LDB2: variants seen among roughly 807,000 people sequenced by gnomAD.
The protein encoded by LDB2 is LIM domain-binding protein 2.
Under a neutral mutation model 44.3 loss-of-function variants are expected in LDB2, and 12 were observed. The observed-to-expected ratio is 0.27, with a 90% CI of 0.17 to 0.44. LDB2 has a LOEUF of 0.44. LDB2 is among the 20% of genes least tolerant of loss of function. LDB2 has a pLI of 1.00. For missense variants in LDB2, 344 were observed against 473.5 expected, an observed-to-expected ratio of 0.73 and a Z score of 2.54; for synonymous variants, 164 against 174.8, an observed-to-expected ratio of 0.94 and a Z score of 0.49.
In LDB2 at chr4:16,609,722, G is replaced by A. The variant is rs552745054; in HGVS notation, c.236-13847C>T. 5.3e-5 allele frequency among the ~76,000 whole-genome samples: 8 copies of A among 152,330 alleles called. No individual in the cohort carries two copies. The East Asian group carries it at 7.8e-4, about 15-fold the overall frequency. On this transcript the variant is annotated intron_variant, in intron 2 of 7. Coordinates refer to ENST00000304523, the MANE Select transcript of LDB2 (RefSeq NM_001290.5). ...TCTCCCTGGGCCTGAGCCCCTAGGC[G>A]GAGGGGGAGAGGTGGCTGCAGTCTC...
intron 2 of LDB2, among the ~76,000 whole-genome samples, chr4:16,667,778 G>A (rs568524561): frequency 4.1e-4 from 62 of 152,308 alleles, no homozygotes; most frequent in African/African-American, 1.4e-3. Flanking sequence ...GAATAGGGTT[G>A]AGGGGCCAGA....
chr4:16,880,903 CAA>C (rs1004776367), intron 1 of LDB2, among the ~76,000 whole-genome samples: 17 of 57,468 alleles, frequency 3.0e-4, no homozygotes, highest in Admixed American at 8.2e-4. Flanking sequence ...GACTCCATCT[CAA>C]AAAAAAAAAA....
chr4:16,680,199 A>G (rs575696975), intron 2 of LDB2, among the ~76,000 whole-genome samples: 1 of 152,326 alleles, frequency 6.6e-6, no homozygotes, highest in Non-Finnish European at 1.5e-5. Flanking sequence ...GCCAGGAACC[A>G]AATGAGACAG....
At chr4:16,833,151 A>G (rs1201345943) in intron 1 of LDB2, among the ~76,000 whole-genome samples, 1 of 152,230 alleles carries the variant, frequency 6.6e-6, no homozygotes, top group Non-Finnish European at 1.5e-5. Context: ...TGCTTACTCA[A>G]TTATAACTAG....
At chr4:16,862,274 A>G (rs1295801614) in intron 1 of LDB2, among the ~76,000 whole-genome samples, 1 of 151,112 alleles carries the variant, frequency 6.6e-6, no homozygotes, top group African/African-American at 2.4e-5. Context: ...TCTCCTAAAT[A>G]TTTGGAAGGA....
At chr4:16,762,195 CA>C (rs553883305) in intron 1 of LDB2, among the ~76,000 whole-genome samples, 49 of 146,272 alleles carry the variant, frequency 3.3e-4, no homozygotes, top group African/African-American at 8.8e-4. Flanking sequence ...GACCTGGTCT[CA>C]AAAAAAAAAT....
chr4:16,502,913 G>A, intron 7 of LDB2, 40 bp from the exon 8 acceptor site: 1 of 1,609,610 alleles, frequency 6.2e-7, no homozygotes, highest in Non-Finnish European at 8.5e-7. Context: ...GAAACCTTGG[G>A]AGAGAGAAGC....
At chr4:16,566,635 A>G (rs1345225613) in intron 5 of LDB2, among the ~76,000 whole-genome samples, 2 of 152,184 alleles carry the variant, frequency 1.3e-5, no homozygotes, top group Non-Finnish European at 2.9e-5. Context: ...ATTACAAAAC[A>G]TAAACCAGAT....
At chr4:16,655,301 G>A (rs997234635) in intron 2 of LDB2, among the ~76,000 whole-genome samples, 1 of 152,102 alleles carries the variant, frequency 6.6e-6, no homozygotes, top group South Asian at 2.1e-4. Flanking sequence ...AGACATGAAG[G>A]GGTCTGTTTA....
At chr4:16,726,184 A>G (rs1048059496) in intron 2 of LDB2, among the ~76,000 whole-genome samples, 1 of 152,132 alleles carries the variant, frequency 6.6e-6, no homozygotes, top group East Asian at 1.9e-4. Context: ...CCACCTAAAA[A>G]CATGTCACAT....
At chr4:16,856,008 C>A (rs1482105443) in intron 1 of LDB2, among the ~76,000 whole-genome samples, 1 of 152,254 alleles carries the variant, frequency 6.6e-6, no homozygotes, top group Admixed American at 6.5e-5. Context: ...GATGTAGCAA[C>A]AAAGAATATT....
intron 2 of LDB2, chr4:16,653,808 G>A (rs1357902462): frequency 1.3e-5 from 2 of 152,182 alleles, no homozygotes; most frequent in African/African-American, 4.8e-5. Flanking sequence ...CCACGATTTA[G>A]GAAACAAATC....
intron 1 of LDB2, among the ~76,000 whole-genome samples, chr4:16,791,961 T>C (rs1203746778): frequency 1.3e-5 from 2 of 152,242 alleles, no homozygotes; most frequent in Non-Finnish European, 2.9e-5. Context: ...TATTATGTGA[T>C]ACTTCCTGAT....
intron 1 of LDB2, among the ~76,000 whole-genome samples, chr4:16,845,555 T>C (rs890295280): frequency 5.9e-5 from 9 of 152,202 alleles, no homozygotes; most frequent in African/African-American, 1.9e-4. Flanking sequence ...TACTACAAAA[T>C]ACATGATTCC....
rs369262523 is a variant in LDB2, at chr4:16,554,120, G to A, written c.615+31802C>T. On this transcript the variant is annotated intron_variant, in intron 5 of 7. Transcript: ENST00000304523. ...GGCTGGAGTGCAATGGTGCAATCTC[G>A]GCTCACCACAACTTCCACCTCCCAG... is the stretch of plus-strand genomic sequence containing the variant. Among the ~76,000 whole-genome samples, 90 of 149,292 alleles carry A rather than the reference G, an allele frequency of 6.0e-4. 1 individual carries two copies. In the South Asian group the frequency reaches 0.019, roughly 31 times the overall value.
In LDB2 at chr4:16,582,286, C is replaced by G. The variant is rs983222743; in HGVS notation, c.615+3636G>C. Among the ~76,000 whole-genome samples the G allele has an allele frequency of 6.6e-6, 1 of 152,208 alleles. No homozygotes were observed. The highest frequency in any genetic ancestry group is 2.4e-5 in the African/African-American group (1 of 41,444). ...AATGAACAATGAATAAATGGGCAAA[C>G]AGGATCTGGTGGGAACTGACAAGGC... On this transcript the variant is annotated intron_variant, in intron 5 of 7. Coordinates refer to ENST00000304523, the MANE Select transcript of LDB2 (RefSeq NM_001290.5). This position sits in a 1 kb window ranked among gnomAD's most constrained non-coding sequence, Gnocchi z 4.8.
rs71181193 is a variant in LDB2, at chr4:16,850,947, A to AGTGTGTGTGTGTGTGTGTGTGTGT, written c.132+47383_132+47406dup. On this transcript the variant is annotated intron_variant, in intron 1 of 7. Coordinates refer to ENST00000304523, the MANE Select transcript of LDB2 (RefSeq NM_001290.5). Reference sequence around the variant, plus strand: ...GATATAGGTAATAGTTAAAACCATAAGTGTGTGTGTGTGTGTGTGTGTGTG... The same window carrying AGTGTGTGTGTGTGTGTGTGTGTGT: ...GATATAGGTAATAGTTAAAACCATAAGTGTGTGTGTGTGTGTGTGTGTGTGTGTGTGTGTGTGTGTGTGTGTGTG... 3.5e-5 allele frequency among the ~76,000 whole-genome samples: 5 copies of AGTGTGTGTGTGTGTGTGTGTGTGT among 143,178 alleles called. No homozygotes were observed. In the South Asian group the frequency reaches 7.1e-4, roughly 20 times the overall value. 93.9% of individuals were successfully genotyped at this position (143,178 alleles called of 152,430 possible).
At chr4:16,889,081 T>TCA (rs994008582) in intron 1 of LDB2, among the ~76,000 whole-genome samples, 9 of 142,046 alleles carry the variant, frequency 6.3e-5, no homozygotes, top group African/African-American at 2.4e-4. Flanking sequence ...TCTCTCTCTC[T>TCA]CACACACATA....
chr4:16,720,713 A>T (rs2152681787), intron 2 of LDB2, among the ~76,000 whole-genome samples: 1 of 152,310 alleles, frequency 6.6e-6, no homozygotes, highest in South Asian at 2.1e-4. Flanking sequence ...GGATGTTCGT[A>T]TATTTATGTA....
Sources: allele counts gnomAD v4.1 joint callset (sites outside exome capture counted in the v4.1 genomes callset), GRCh38; gene constraint gnomAD v4.1.1; non-coding constraint Gnocchi (gnomAD v3.1); transcripts MANE v1.5; gene names NCBI Gene and HGNC (gene_info 2026-07-23, HGNC 2026-07-21).